WWTR1: variants seen among roughly 807,000 people sequenced by gnomAD.
The protein encoded by WWTR1 is WW domain-containing transcription regulator protein 1.
WWTR1 carries 13 observed loss-of-function variants against 40.1 expected under a neutral mutation model. That is an observed-to-expected ratio of 0.32 (90% CI 0.21 to 0.52). The LOEUF (loss-of-function observed/expected upper bound fraction) is 0.52. Among genes scored for constraint, WWTR1 ranks in the 20% least tolerant of loss-of-function variants. WWTR1 has a pLI of 0.97. For missense variants in WWTR1, 436 were observed against 523.1 expected (o/e 0.83, Z 1.63); for synonymous variants, 230 against 210.1 (o/e 1.09, Z -0.82).
intron 3 of WWTR1, among the ~76,000 whole-genome samples, chr3:149,566,390 G>C (rs1737330818): frequency 6.6e-6 from 1 of 152,116 alleles, no homozygotes; most frequent in Non-Finnish European, 1.5e-5. Context: ...AAAAGTGTAT[G>C]GGTATTTTTT....
At chr3:149,622,473 G>GAAA (rs1560089572) in intron 2 of WWTR1, among the ~76,000 whole-genome samples, 74 of 107,076 alleles carry the variant, frequency 6.9e-4, no homozygotes, top group African/African-American at 2.4e-3. Flanking sequence ...AAGGAAGGAA[G>GAAA]GAAGGAAGGA....
At chr3:149,579,362 T>G (rs1329161594) in intron 2 of WWTR1, among the ~76,000 whole-genome samples, 1 of 152,174 alleles carries the variant, frequency 6.6e-6, no homozygotes, top group Non-Finnish European at 1.5e-5. Context: ...AAAGACAGCC[T>G]GGGGTCATAA....
chr3:149,554,664 A>C (rs181040028), intron 3 of WWTR1, among the ~76,000 whole-genome samples: 1 of 152,052 alleles, frequency 6.6e-6, no homozygotes, highest in African/African-American at 2.4e-5. Context: ...AAAAAAAATC[A>C]CATCTTTCTG....
chr3:149,660,603 T>A (rs549021890), upstream of WWTR1, among the ~76,000 whole-genome samples: 7 of 152,354 alleles, frequency 4.6e-5, no homozygotes, highest in East Asian at 1.3e-3. Context: ...GTCTTGTATG[T>A]ATCAGGTACT....
intron 2 of WWTR1, among the ~76,000 whole-genome samples, chr3:149,642,591 T>C (rs1202599540): frequency 6.7e-6 from 1 of 149,722 alleles, no homozygotes. Flanking sequence ...CTGGCTAACA[T>C]GGTGAAACCC....
chr3:149,648,777 C>G (rs950363144), intron 2 of WWTR1, among the ~76,000 whole-genome samples: 1 of 152,168 alleles, frequency 6.6e-6, no homozygotes, highest in Non-Finnish European at 1.5e-5. Context: ...ACACACCTTA[C>G]AAAGGCTTCC....
At chr3:149,613,911 G>A (rs537071131) in intron 2 of WWTR1, among the ~76,000 whole-genome samples, 17 of 150,708 alleles carry the variant, frequency 1.1e-4, no homozygotes, top group South Asian at 6.3e-4. Flanking sequence ...CCACACTCAC[G>A]GTGAAAAAAA....
At chr3:149,639,829 T>TA (rs1317742244) in intron 2 of WWTR1, among the ~76,000 whole-genome samples, 2 of 151,196 alleles carry the variant, frequency 1.3e-5, no homozygotes, top group East Asian at 3.9e-4. Flanking sequence ...CCATCTCTAC[T>TA]AAAAAATACA....
At chr3:149,720,467 A>T (rs1228089247) in intron 4 of WWTR1, among the ~76,000 whole-genome samples, 1 of 152,072 alleles carries the variant, frequency 6.6e-6, no homozygotes, top group African/African-American at 2.4e-5. Context: ...TATTGTATTC[A>T]TTGGTCTTTA....
intron 3 of WWTR1, among the ~76,000 whole-genome samples, chr3:149,550,874 C>T (rs1736589822): frequency 6.9e-6 from 1 of 145,206 alleles, no homozygotes; most frequent in Non-Finnish European, 1.5e-5. Context: ...CAAAGCCTTG[C>T]TAAATTAACT....
intron 1 of WWTR1, among the ~76,000 whole-genome samples, chr3:149,686,433 C>A (rs1385159247): frequency 6.6e-6 from 1 of 152,058 alleles, no homozygotes; most frequent in Non-Finnish European, 1.5e-5. Context: ...GCTGGAGGAT[C>A]CCTTGAGGCC....
intron 4 of WWTR1, among the ~76,000 whole-genome samples, chr3:149,722,521 G>T (rs1032123657): frequency 2.4e-4 from 36 of 151,758 alleles, no homozygotes; most frequent in Non-Finnish European, 4.6e-4. Context: ...TTATTAATTT[G>T]TTATTTAAGA....
At chr3:149,658,260 A>G (rs1443039189), upstream of WWTR1, 2 of 152,268 alleles carry the variant, frequency 1.3e-5, no homozygotes, top group African/African-American at 4.8e-5. Context: ...GGCCGCGCGG[A>G]CCTCTCCCGC....
intron 1 of WWTR1, among the ~76,000 whole-genome samples, chr3:149,688,937 A>G (rs894835976): frequency 1.3e-5 from 2 of 152,242 alleles, no homozygotes; most frequent in African/African-American, 4.8e-5. Context: ...AGATAAGTTT[A>G]ACAGAAATTG....
At position 149,520,865 on chromosome 3, in the gene WWTR1, G is replaced by A. The variant is rs760900297; in HGVS notation, c.1143C>T (p.Pro381=). ...GAGCAGACTCTACATCATTGAAGAGGGGGATCAGGTCTTCAGATTCCAAAG... is the reference window on the plus strand; with the variant it reads ...GAGCAGACTCTACATCATTGAAGAGAGGGATCAGGTCTTCAGATTCCAAAG... ...LGTLESEDLI[P]LFNDVESALN... is the part of the protein sequence containing the mutation. The change falls in exon 7 of 7, where the codon CCC becomes CCT. Residue 381 remains proline (P), a synonymous_variant. Coordinates refer to ENST00000360632, the MANE Select transcript of WWTR1 (RefSeq NM_015472.6). 9.3e-6 allele frequency: 15 copies of A among 1,613,460 alleles called. No homozygotes were observed. Among genetic ancestry groups the A allele is most frequent in the Non-Finnish European group, 1.7e-6 (2 of 1,179,808 alleles).
chr3:149,568,546 A>ACC (rs1737455576), intron 3 of WWTR1, among the ~76,000 whole-genome samples: 6 of 139,498 alleles, frequency 4.3e-5, no homozygotes, highest in African/African-American at 1.5e-4. Flanking sequence ...AAAAAAAAAA[A>ACC]AAAAAAAAAA....
At chr3:149,671,364 C>T (rs1308235049) in intron 1 of WWTR1, among the ~76,000 whole-genome samples, 1 of 152,116 alleles carries the variant, frequency 6.6e-6, no homozygotes, top group East Asian at 1.9e-4. Flanking sequence ...ACCAGAAAAA[C>T]CCCTGCTTGT....
chr3:149,654,520 C>T (rs962278943), intron 2 of WWTR1, among the ~76,000 whole-genome samples: 1 of 152,160 alleles, frequency 6.6e-6, no homozygotes, highest in African/African-American at 2.4e-5. Context: ...TGAAGATGCA[C>T]TCTGCTTTGG....
intron 1 of WWTR1, among the ~76,000 whole-genome samples, chr3:149,689,412 C>CAAAAAAAAAA (rs1469140968): frequency 2.5e-5 from 2 of 80,216 alleles, no homozygotes; most frequent in Admixed American, 1.3e-4. Context: ...GCAAAGAAGA[C>CAAAAAAAAAA]AGAAAAAAAA....
Sources: gnomAD v4.1 joint callset for allele counts (sites outside exome capture counted in the v4.1 genomes callset) on GRCh38, gnomAD v4.1.1 for gene constraint, MANE v1.5 for transcripts, NCBI Gene and HGNC (gene_info 2026-07-23, HGNC 2026-07-21) for gene names.